TTN: variants seen among roughly 807,000 people sequenced by gnomAD.
The protein encoded by TTN is titin, also known as connectin.
In TTN, 1,525 loss-of-function variants were observed where a neutral mutation model predicts 3,223.0. The observed-to-expected ratio is 0.47, with a 90% CI of 0.45 to 0.49. The LOEUF (loss-of-function observed/expected upper bound fraction) is 0.49. Ranked by LOEUF, TTN falls within the 20% of genes least tolerant of loss-of-function variation. TTN has a pLI of 0.00. For missense variants in TTN, 40,786 were observed against 43,424.0 expected (o/e 0.94, Z 5.40); for synonymous variants, 14,094 against 15,161.0 (o/e 0.93, Z 5.17).
chr2:178,738,861 T>A (rs2081987128), intron 48 of TTN, among the ~76,000 whole-genome samples: 2 of 152,192 alleles, frequency 1.3e-5, no homozygotes, highest in South Asian at 4.1e-4. Context: ...TATCTTCATA[T>A]GAAAATTAAC....
At position 178,607,056 on chromosome 2, in the gene TTN, A is replaced by G; in HGVS notation, c.53546T>C (p.Val17849Ala). 6.2e-7 allele frequency: 1 copy of G among 1,611,812 alleles called. No individual in the cohort carries two copies. Among genetic ancestry groups the G allele is most frequent in the African/African-American group, 1.3e-5 (1 of 74,900 alleles). The change falls in exon 278 of 363, where the codon GTT becomes GCT. Residue 17849 changes from valine to alanine, a missense_variant. By Grantham distance (64) the Val-to-Ala change is moderately conservative (BLOSUM62 0). Coordinates refer to ENST00000589042, the MANE Select transcript of TTN (RefSeq NM_001267550.2). ...AKNKFGCGPP[V>A]EIGPILAVDP... is the part of the protein sequence containing the mutation. The stretch of plus-strand genomic sequence containing the variant: ...AACTGCAAGAATTGGTCCTATTTCA[A>G]CAGGAGGGCCACAGCCAAACTTGTT...
At chr2:178,764,876 T>A (rs1574487788) in intron 41 of TTN, 65 bp from the exon 42 acceptor site, 1 of 1,587,032 alleles carries the variant, frequency 6.3e-7, no homozygotes, top group East Asian at 2.2e-5. Flanking sequence ...CATGCAAAAC[T>A]CTACATTAAT....
At position 178,532,885 on chromosome 2, in the gene TTN, T is replaced by C. The variant is rs727505009; in HGVS notation, c.103730A>G (p.Gln34577Arg). ...GTCAAGTTTCCCAGGCATTTCATAC[T>C]GATCACGTATCTTTTTATACCACTT... is the stretch of plus-strand genomic sequence containing the variant. ...DMKWYKKIRD[Q>R]YEMPGKLDRV... The change falls in exon 358 of 363, where the codon CAG becomes CGG. Residue 34577 changes from glutamine (Q) to arginine (R), a missense_variant. Coordinates refer to ENST00000589042, the MANE Select transcript of TTN (RefSeq NM_001267550.2). 1.4e-5 allele frequency: 22 copies of C among 1,613,890 alleles called. No homozygotes were observed. Among genetic ancestry groups the C allele is most frequent in the Non-Finnish European group, 1.9e-5 (22 of 1,179,884 alleles).
chr2:178,622,734 T>C lies in TTN; in HGVS notation c.44849A>G (p.Asp14950Gly), dbSNP rs1194581912. 1 of 1,605,836 alleles carries C rather than the reference T, an allele frequency of 6.2e-7. No homozygotes were observed. The change falls in exon 243 of 363, where the codon GAC becomes GGC. Residue 14950 changes from aspartate to glycine, a missense_variant. Asp to Gly is a moderately conservative substitution (Grantham distance 94, BLOSUM62 -1). Transcript: ENST00000589042. Reference protein sequence around the residue: ...PHVEFLRPLTDLQVREKEMAR... With the variant: ...PHVEFLRPLTGLQVREKEMAR... ...CATTTCTTTTTCTCTAACTTGAAGG[T>C]CGGTGAGTGGTCTTAAGAATTCCAC... is the stretch of plus-strand genomic sequence containing the variant.
At chr2:178,772,996 A>G (rs1254836411) in intron 33 of TTN, 113 bp downstream of exon 33, 1 of 1,397,778 alleles carries the variant, frequency 7.2e-7, no homozygotes, top group Non-Finnish European at 1.0e-6. Flanking sequence ...TGGGAACAGC[A>G]TAAGCAGAGG....
Position 178,609,563 on chromosome 2 carries a change from G to T in TTN, c.51747C>A (p.Pro17249=). The change falls in exon 273 of 363, where the codon CCC becomes CCA. Residue 17249 remains proline, a synonymous_variant. Coordinates refer to ENST00000589042, the MANE Select transcript of TTN (RefSeq NM_001267550.2). ...CTAGGCTTGTTCTCAGAATGACTTT[G>T]GGGGCATCTATAGTGATCATAACCA... The part of the protein sequence containing the change: ...PTKAVDPIDA[P]KVILRTSLEV... 2 of 1,606,544 alleles carry T rather than the reference G, an allele frequency of 1.2e-6. No homozygotes were observed. Among genetic ancestry groups the T allele is most frequent in the African/African-American group, 2.7e-5 (2 of 74,712 alleles).
chr2:178,711,443 C>T lies in TTN; in HGVS notation c.27887-94G>A, dbSNP rs927787340. 2.2e-5 allele frequency: 28 copies of T among 1,268,176 alleles called. No individual in the cohort carries two copies. In the African/African-American group the frequency reaches 3.9e-4, roughly 18 times the overall value. 78.6% of individuals were successfully genotyped at this position (1,268,176 alleles called of 1,614,324 possible). The stretch of plus-strand genomic sequence containing the variant: ...ACAAACGCACGTATATATGCAATTT[C>T]TATTAAAAATCAGGAATTATTAATG... On this transcript the variant is annotated intron_variant, in intron 96 of 362. Transcript: ENST00000589042.
rs763344306 is a variant in TTN, at chr2:178,539,222, C to G, written c.98713G>C (p.Glu32905Gln). ...GAACTCTTGGTTACATCGAGTACTTCTGGAGGATTGCTTGGAGGTTCTGGA... is the reference window on the plus strand; with the variant it reads ...GAACTCTTGGTTACATCGAGTACTTGTGGAGGATTGCTTGGAGGTTCTGGA... ...NPPEPPSNPP[E>Q]VLDVTKSSVS... The change falls in exon 353 of 363, where the codon GAA becomes CAA. Residue 32905 changes from glutamate to glutamine, a missense_variant. Glu to Gln is a conservative substitution (Grantham distance 29). Transcript: ENST00000589042. 4 of 1,613,576 alleles carry G rather than the reference C, an allele frequency of 2.5e-6. No homozygotes were observed. The highest frequency in any genetic ancestry group is 2.7e-5 in the African/African-American group (2 of 74,920).
Position 178,799,602 on chromosome 2 carries a change from T to C in TTN, c.799A>G (p.Thr267Ala). The change falls in exon 6 of 363, where the codon ACA (threonine) becomes GCA (alanine). Residue 267 changes from threonine to alanine, a missense_variant. By Grantham distance (58) the Thr-to-Ala change is moderately conservative (BLOSUM62 0). Transcript: ENST00000589042. The part of the protein sequence containing the change: ...IPPKPKSRSP[T>A]PPSIAAKAQL... ...GCTTTGGCAGCAATAGACGGTGGTGTTGGGGATCTTGACTTTGGCTTCGGA... is the reference window on the plus strand; with the variant it reads ...GCTTTGGCAGCAATAGACGGTGGTGCTGGGGATCTTGACTTTGGCTTCGGA... The C allele has an allele frequency of 1.9e-6, 3 of 1,613,954 alleles. No individual in the cohort carries two copies. Among genetic ancestry groups the C allele is most frequent in the Admixed American group, 1.7e-5 (1 of 60,006 alleles).
Position 178,617,469 on chromosome 2 carries a change from A to T in TTN, c.47616T>A (p.Thr15872=). ...CCCATTTGAGCTGAACTGATGACTG[A>T]GTCTGATCTGAGGAAGTTAGGTTTA... ...PPVNLTSSDQ[T]QSSVQLKWEP... Residue 15872 remains threonine (T), a synonymous_variant, in exon 254 of 363, where the codon ACT becomes ACA. Coordinates refer to ENST00000589042, the MANE Select transcript of TTN (RefSeq NM_001267550.2). 6.3e-7 allele frequency: 1 copy of T among 1,597,952 alleles called. No homozygotes were observed. The highest frequency in any genetic ancestry group is 8.5e-7 in the Non-Finnish European group (1 of 1,175,188).
chr2:178,689,105 C>T lies in TTN; in HGVS notation c.32043G>A (p.Glu10681=). 1.9e-6 allele frequency: 3 copies of T among 1,609,756 alleles called. No homozygotes were observed. Among genetic ancestry groups the T allele is most frequent in the South Asian group, 2.2e-5 (2 of 90,356 alleles). ...VPALPKKPVP[E]EKVAVPVPVA... ...CAGGAACTGGCACTGCAACTTTCTC[C>T]TCTGGGACGGGTTTCTTAGGCAGAG... Residue 10681 remains glutamate, a synonymous_variant, in exon 125 of 363, where the codon GAG becomes GAA. Coordinates refer to ENST00000589042, the MANE Select transcript of TTN (RefSeq NM_001267550.2).
chr2:178,711,874 C>A (rs1315444120), intron 96 of TTN, 70 bp downstream of exon 96: 2 of 1,491,056 alleles, frequency 1.3e-6, no homozygotes, highest in Non-Finnish European at 1.8e-6. Flanking sequence ...AAAAAATAGG[C>A]CTCCCCAGAC....
rs1459990570 is a variant in TTN, at chr2:178,553,462, A to T, written c.89503+40T>A. ...CAAAAAAGAGTGATTTCCTGGAAGTATGCTTATTAAAAAACATAATCAAAC... is the reference window on the plus strand; with the variant it reads ...CAAAAAAGAGTGATTTCCTGGAAGTTTGCTTATTAAAAAACATAATCAAAC... On this transcript the variant is annotated intron_variant, in intron 334 of 362. Coordinates refer to ENST00000589042, the MANE Select transcript of TTN (RefSeq NM_001267550.2). 2.5e-6 allele frequency: 4 copies of T among 1,578,734 alleles called. No individual in the cohort carries two copies. The African/African-American group carries it at 5.4e-5, about 21-fold the overall frequency.
chr2:178,682,584 T>G, intron 135 of TTN, 113 bp downstream of exon 135: 3 of 1,069,810 alleles, frequency 2.8e-6, no homozygotes, highest in Non-Finnish European at 3.9e-6. Context: ...ACAAAGTTCT[T>G]TCCAAATTTC....
At chr2:178,655,230 A>G (rs1192851833) in intron 189 of TTN, among the ~76,000 whole-genome samples, 4 of 139,240 alleles carry the variant, frequency 2.9e-5, no homozygotes, top group Non-Finnish European at 5.9e-5. Flanking sequence ...ACAAAATTCA[A>G]CAGCCCTTCA....
At position 178,588,647 on chromosome 2, in the gene TTN, C is replaced by A. The variant is rs1383048418; in HGVS notation, c.63078G>T (p.Gln21026His). The change falls in exon 304 of 363, where the codon CAG becomes CAT. Residue 21026 changes from glutamine (Q) to histidine (H), a missense_variant. Transcript: ENST00000589042. ...SAIPERRMKV[Q>H]NLLPDHEYQF... ...GATATTCATGGTCTGGGAGGAGATT[C>A]TGTACTTTCATACGTCTCTCAGGGA... is the stretch of plus-strand genomic sequence containing the variant. 1 of 1,609,412 alleles carries A rather than the reference C, an allele frequency of 6.2e-7. No homozygotes were observed. Among genetic ancestry groups the A allele is most frequent in the East Asian group, 2.2e-5 (1 of 44,780 alleles).
rs773772232 is a variant in TTN at position 178,635,263 on chromosome 2, T to G, written c.41926A>C (p.Ile13976Leu). 6.2e-7 allele frequency: 1 copy of G among 1,613,364 alleles called. No individual in the cohort carries two copies. The highest frequency in any genetic ancestry group is 8.5e-7 in the Non-Finnish European group (1 of 1,179,540). The change falls in exon 228 of 363, where the codon ATT becomes CTT. Residue 13976 changes from isoleucine to leucine, a missense_variant. Ile to Leu is a conservative substitution (Grantham distance 5). Coordinates refer to ENST00000589042, the MANE Select transcript of TTN (RefSeq NM_001267550.2). ...AAGCTTGCACTTTCTTTCTCATAAA[T>G]GGTAACGTCCTCTATTGGTTTAAGC... The part of the protein sequence containing the change: ...ELLKPIEDVT[I>L]YEKESASFDA...
In TTN at chr2:178,721,923, T is replaced by G; in HGVS notation, c.22740A>C (p.Gly7580=). 1 of 1,613,542 alleles carries G rather than the reference T, an allele frequency of 6.2e-7. No individual in the cohort carries two copies. The highest frequency in any genetic ancestry group is 2.2e-5 in the East Asian group (1 of 44,866). The part of the protein sequence containing the change: ...PHLRILKVGK[G]DSGQYTCQAT... Reference sequence around the variant, plus strand: ...CTTGGCAAGTATATTGACCAGAGTCTCCTTTGCCTACTTTAAGAATTCTCA... The same window carrying G: ...CTTGGCAAGTATATTGACCAGAGTCGCCTTTGCCTACTTTAAGAATTCTCA... The change falls in exon 78 of 363, where the codon GGA becomes GGC. Residue 7580 remains glycine (G), a synonymous_variant. Transcript: ENST00000589042.
chr2:178,628,426 C>T (rs1382071117), intron 240 of TTN, among the ~76,000 whole-genome samples: 1 of 151,842 alleles, frequency 6.6e-6, no homozygotes, highest in East Asian at 1.9e-4. Flanking sequence ...GCTTTATTTC[C>T]AACCCAGGCT....
Sources: gnomAD v4.1 joint callset for allele counts (sites outside exome capture counted in the v4.1 genomes callset) on GRCh38, gnomAD v4.1.1 for gene constraint, MANE v1.5 for transcripts, NCBI Gene and HGNC (gene_info 2026-07-23, HGNC 2026-07-21) for gene names.